DOK6: variants seen among roughly 807,000 people sequenced by gnomAD.
DOK6 encodes downstream of tyrosine kinase 6.
In DOK6, 22 loss-of-function variants were observed where a neutral mutation model predicts 44.0. The ratio of observed to expected loss-of-function variants is 0.50; its 90% CI spans 0.36 to 0.71. The LOEUF (loss-of-function observed/expected upper bound fraction) is 0.71. Ranked by LOEUF, DOK6 falls within the 30% of genes least tolerant of loss-of-function variation. DOK6 has a pLI of 0.00. For missense variants in DOK6, 340 were observed against 416.4 expected, an observed-to-expected ratio of 0.82 and a Z score of 1.60; for synonymous variants, 166 against 145.5, an observed-to-expected ratio of 1.14 and a Z score of -1.01.
intron 3 of DOK6, among the ~76,000 whole-genome samples, chr18:69,625,550 G>A (rs748475440): frequency 6.6e-6 from 1 of 152,164 alleles, no homozygotes; most frequent in Non-Finnish European, 1.5e-5. Flanking sequence ...GGTATATAAG[G>A]TCAGATGCTC....
At chr18:69,713,090 T>C (rs1236548950) in intron 5 of DOK6, among the ~76,000 whole-genome samples, 1 of 152,038 alleles carries the variant, frequency 6.6e-6, no homozygotes, top group Non-Finnish European at 1.5e-5. Flanking sequence ...GATCACTGAG[T>C]TTCTATTATT....
Position 69,420,116 on chromosome 18 carries a change from C to T in DOK6, c.66+18806C>T, listed in dbSNP as rs1331485093. Among the ~76,000 whole-genome samples, 12 of 151,482 alleles carry T rather than the reference C, an allele frequency of 7.9e-5. 1 individual carries two copies. The East Asian group carries it at 1.7e-3, about 22-fold the overall frequency. ...AACATACTAAAATTTAGCTTTTTAA[C>T]CAATAAAACATACAAAAAAACACAG... On this transcript the variant is annotated intron_variant, in intron 1 of 7. Coordinates refer to ENST00000382713, the MANE Select transcript of DOK6 (RefSeq NM_152721.6).
intron 1 of DOK6, among the ~76,000 whole-genome samples, chr18:69,513,618 T>A (rs1981436223): frequency 6.6e-6 from 1 of 152,244 alleles, no homozygotes; most frequent in Non-Finnish European, 1.5e-5. Context: ...AGCCTTTCTG[T>A]CATCTGAAAA....
chr18:69,724,511 A>G (rs1008023614), intron 5 of DOK6, among the ~76,000 whole-genome samples: 1 of 152,230 alleles, frequency 6.6e-6, no homozygotes, highest in African/African-American at 2.4e-5. Context: ...AATAAAATAT[A>G]TAGTGCTTGA....
intron 6 of DOK6, among the ~76,000 whole-genome samples, chr18:69,743,492 C>T (rs148452650): frequency 1.8e-4 from 27 of 152,282 alleles, no homozygotes; most frequent in African/African-American, 5.3e-4. Flanking sequence ...ATCATGGACA[C>T]GGCCTCAACT....
At chr18:69,501,820 C>G (rs1436932834) in intron 1 of DOK6, among the ~76,000 whole-genome samples, 1 of 151,850 alleles carries the variant, frequency 6.6e-6, no homozygotes, top group African/African-American at 2.4e-5. Context: ...TTAAATATAT[C>G]TTTATAAAGG....
intron 3 of DOK6, among the ~76,000 whole-genome samples, chr18:69,642,079 A>G (rs1984955301): frequency 6.6e-6 from 1 of 152,236 alleles, no homozygotes; most frequent in South Asian, 2.1e-4. Flanking sequence ...GTTAATATTT[A>G]TCTTGTTTAC....
At chr18:69,748,320 A>G (rs969386036) in intron 6 of DOK6, among the ~76,000 whole-genome samples, 1 of 152,130 alleles carries the variant, frequency 6.6e-6, no homozygotes, top group Non-Finnish European at 1.5e-5. Flanking sequence ...CGCTGTCAAT[A>G]TTAGACAGAT....
At chr18:69,696,589 C>T (rs531549939) in intron 4 of DOK6, among the ~76,000 whole-genome samples, 1 of 152,270 alleles carries the variant, frequency 6.6e-6, no homozygotes, top group South Asian at 2.1e-4. Flanking sequence ...ACAACAGGTA[C>T]CACTGACATA....
intron 3 of DOK6, among the ~76,000 whole-genome samples, chr18:69,623,860 T>C (rs1323511149): frequency 6.6e-6 from 1 of 152,190 alleles, no homozygotes; most frequent in Admixed American, 6.5e-5. Flanking sequence ...TGAGGGAGTA[T>C]TACCCAGAAC....
At chr18:69,669,744 TC>T (rs1219990362) in intron 3 of DOK6, among the ~76,000 whole-genome samples, 5 of 152,264 alleles carry the variant, frequency 3.3e-5, no homozygotes, top group Admixed American at 6.5e-5. Context: ...CTTGAGATTT[TC>T]TTTTCCACTT....
rs1036059049 is a variant in DOK6 at position 69,722,814 on chromosome 18, G to A, written c.600-16151G>A. On this transcript the variant is annotated intron_variant, in intron 5 of 7. Transcript: ENST00000382713. ...ATCAGCACCAAAATCAAAAATAACAGCCCAGGATCCTGAGGGAATAGATAG... is the reference window on the plus strand; with the variant it reads ...ATCAGCACCAAAATCAAAAATAACAACCCAGGATCCTGAGGGAATAGATAG... 2.7e-4 allele frequency among the ~76,000 whole-genome samples: 41 copies of A among 152,168 alleles called. 1 individual carries two copies. The highest frequency in any genetic ancestry group is 1.5e-3 in the South Asian group (7 of 4,820).
intron 2 of DOK6, among the ~76,000 whole-genome samples, chr18:69,576,660 T>C (rs999443320): frequency 1.3e-5 from 2 of 152,166 alleles, no homozygotes; most frequent in African/African-American, 4.8e-5. Context: ...ATATACTTTT[T>C]AGAAACTTCT....
At chr18:69,649,452 G>T (rs1985165711) in intron 3 of DOK6, among the ~76,000 whole-genome samples, 2 of 152,072 alleles carry the variant, frequency 1.3e-5, no homozygotes, top group South Asian at 4.1e-4. Flanking sequence ...GGATCCTAGG[G>T]TTGCCTCCCA....
chr18:69,537,116 G>A (rs1348165600), intron 1 of DOK6, among the ~76,000 whole-genome samples: 4 of 151,892 alleles, frequency 2.6e-5, no homozygotes, highest in Non-Finnish European at 4.4e-5. Flanking sequence ...GATTATAAGC[G>A]TGAGCCACCT....
At chr18:69,809,565 GACACACAC>G (rs57753226) in intron 7 of DOK6, among the ~76,000 whole-genome samples, 42 of 146,198 alleles carry the variant, frequency 2.9e-4, no homozygotes, top group South Asian at 1.7e-3. Flanking sequence ...CACACACACA[GACACACAC>G]ACACACACAC....
At chr18:69,655,133 T>C (rs567952542) in intron 3 of DOK6, among the ~76,000 whole-genome samples, 21 of 152,164 alleles carry the variant, frequency 1.4e-4, no homozygotes, top group Non-Finnish European at 2.1e-4. Flanking sequence ...GAGCTTACTT[T>C]AATAAAATAG....
intron 1 of DOK6, among the ~76,000 whole-genome samples, chr18:69,422,335 C>T (rs1978516445): frequency 1.3e-5 from 2 of 152,202 alleles, no homozygotes; most frequent in East Asian, 1.9e-4. Context: ...TAATTTTATA[C>T]TTTAATCTCA....
At position 69,683,957 on chromosome 18, in the gene DOK6, G is replaced by A. The variant is rs190259905; in HGVS notation, c.409+6104G>A. On this transcript the variant is annotated intron_variant, in intron 4 of 7. Coordinates refer to ENST00000382713, the MANE Select transcript of DOK6 (RefSeq NM_152721.6). ...ATATCCTGTGGGACTTGTGTTCCACGAAACACATATTTACAAATGCTGATA... is the reference window on the plus strand; with the variant it reads ...ATATCCTGTGGGACTTGTGTTCCACAAAACACATATTTACAAATGCTGATA... 3.4e-4 allele frequency among the ~76,000 whole-genome samples: 52 copies of A among 152,196 alleles called. 1 individual carries two copies. The highest frequency in any genetic ancestry group is 1.1e-3 in the African/African-American group (46 of 41,522).
Sources: allele counts gnomAD v4.1 joint callset (sites outside exome capture counted in the v4.1 genomes callset), GRCh38; gene constraint gnomAD v4.1.1; transcripts MANE v1.5; gene names NCBI Gene and HGNC (gene_info 2026-07-23, HGNC 2026-07-21).